The following SV2C variants were observed in gnomAD, a reference collection of about 807,000 sequenced individuals.
The protein encoded by SV2C is solute carrier family 22 member B3.
In SV2C, 49 loss-of-function variants were observed where a neutral mutation model predicts 79.7. The observed-to-expected ratio is 0.61, with a 90% CI of 0.49 to 0.78. The LOEUF (loss-of-function observed/expected upper bound fraction) is 0.78. Among genes scored for constraint, SV2C ranks in the 30% least tolerant of loss-of-function variants. SV2C has a pLI of 0.00. For missense variants in SV2C, 833 were observed against 912.9 expected (o/e 0.91, Z 1.13); for synonymous variants, 334 against 333.2 (o/e 1.00, Z -0.03).
chr5:76,217,548 T>C (rs577263365), intron 4 of SV2C, among the ~76,000 whole-genome samples: 1 of 152,322 alleles, frequency 6.6e-6, no homozygotes, highest in East Asian at 1.9e-4. Context: ...AGCATTGTAG[T>C]AAGGATTAAG....
chr5:75,944,464 C>A, the SV2C span, among the ~76,000 whole-genome samples: 1 of 152,098 alleles, frequency 6.6e-6, no homozygotes, highest in African/African-American at 2.4e-5. Flanking sequence ...ATGGAGTATA[C>A]AGACTACAGC....
chr5:76,353,153 C>T (rs956729084), exon 13 of SV2C: 4 of 451,086 alleles, frequency 8.9e-6, no homozygotes, highest in African/African-American at 6.1e-5. Context: ...CCATGTTGCC[C>T]CGGCTGATCT....
chr5:76,025,330 A>G, the SV2C span, among the ~76,000 whole-genome samples: 2 of 152,156 alleles, frequency 1.3e-5, no homozygotes, highest in Non-Finnish European at 2.9e-5. Context: ...GCCAGCAAAC[A>G]TTGGTGAGGA....
rs549744130 is a variant in SV2C, at chr5:76,353,343, T to A, written c.*183T>A. On this transcript the variant is annotated 3_prime_UTR_variant, in exon 13 of 13. Coordinates refer to the SV2C transcript ENST00000322285. Reference sequence around the variant, plus strand: ...AGTAGATTTCTTTATTGTTGTCTTTTTTCTCTCTCTTTTGCCTTGTAGAAA... The same window carrying A: ...AGTAGATTTCTTTATTGTTGTCTTTATTCTCTCTCTTTTGCCTTGTAGAAA... The A allele has an allele frequency of 5.1e-5, 11 of 216,498 alleles. No homozygotes were observed. The East Asian group carries it at 1.6e-3, about 31-fold the overall frequency. The allele number at this position is 216,498 out of a possible 1,614,324, so 13.4% of individuals were successfully genotyped here. A position where few individuals can be genotyped will look rare whatever the true frequency, so the allele number is the denominator to read the frequency against.
intron 3 of SV2C, among the ~76,000 whole-genome samples, chr5:76,207,110 G>T (rs1744628919): frequency 6.6e-6 from 1 of 151,284 alleles, no homozygotes; most frequent in African/African-American, 2.4e-5. Context: ...ACAATGATTT[G>T]TTGAAAACTA....
At chr5:75,966,859 TG>T in the SV2C span, among the ~76,000 whole-genome samples, 1 of 152,160 alleles carries the variant, frequency 6.6e-6, no homozygotes, top group Non-Finnish European at 1.5e-5. Context: ...ACTACTGCAT[TG>T]TATGGTAGAA....
chr5:75,919,911 A>T, the SV2C span, among the ~76,000 whole-genome samples: 1 of 152,236 alleles, frequency 6.6e-6, no homozygotes, highest in Non-Finnish European at 1.5e-5. Flanking sequence ...TAAGAGTTTG[A>T]TAAGTTTTGG....
At chr5:75,874,474 C>A in the SV2C span, among the ~76,000 whole-genome samples, 5 of 152,148 alleles carry the variant, frequency 3.3e-5, no homozygotes, top group Non-Finnish European at 7.4e-5. Context: ...AAGATGGAAG[C>A]ATTCCCCTTG....
Position 76,120,472 on chromosome 5 carries a change from T to C in SV2C, c.-101-11178T>C, listed in dbSNP as rs1748448116. Among the ~76,000 whole-genome samples, 2 of 145,590 alleles carry C rather than the reference T, an allele frequency of 1.4e-5. 1 individual carries two copies. The highest frequency in any genetic ancestry group is 3.0e-5 in the Non-Finnish European group (2 of 67,490). ...ATGCTGGTATGCTGCACCCATTAAC[T>C]CGTCATTTAGCATTAGGTGTATATC... On this transcript the variant is annotated intron_variant, in intron 1 of 12. Coordinates refer to ENST00000502798, the MANE Select transcript of SV2C (RefSeq NM_014979.4).
At chr5:76,273,146 G>GATATATATATATATAT (rs369657969) in intron 4 of SV2C, among the ~76,000 whole-genome samples, 35 of 129,094 alleles carry the variant, frequency 2.7e-4, no homozygotes, top group African/African-American at 9.6e-4. Flanking sequence ...TTACAAAAAA[G>GATATATATATATATAT]ATATATATAT....
the SV2C span, among the ~76,000 whole-genome samples, chr5:75,984,997 C>T: frequency 6.6e-6 from 1 of 151,948 alleles, no homozygotes; most frequent in African/African-American, 2.4e-5. Context: ...TAACAGAATA[C>T]TTGAGGCTGG....
intron 4 of SV2C, among the ~76,000 whole-genome samples, chr5:76,222,589 C>A (rs1438210131): frequency 6.6e-6 from 1 of 152,150 alleles, no homozygotes; most frequent in Non-Finnish European, 1.5e-5. Context: ...GAACTATATA[C>A]ACACATTGCA....
chr5:75,910,005 G>T, the SV2C span, among the ~76,000 whole-genome samples: 1 of 152,192 alleles, frequency 6.6e-6, no homozygotes, highest in Non-Finnish European at 1.5e-5. Context: ...GTTAGTTTGT[G>T]CATCTTCAGG....
intron 4 of SV2C, among the ~76,000 whole-genome samples, chr5:76,211,808 C>G (rs1325830052): frequency 2.0e-5 from 3 of 152,126 alleles, no homozygotes; most frequent in Non-Finnish European, 4.4e-5. Context: ...TTTTAACATG[C>G]TGAGTTACAA....
At chr5:76,007,448 A>G in the SV2C span, among the ~76,000 whole-genome samples, 1 of 152,134 alleles carries the variant, frequency 6.6e-6, no homozygotes, top group African/African-American at 2.4e-5. Context: ...GGAAGAGTGA[A>G]TGAAATAATA....
At chr5:76,320,163 T>C (rs1393246006) in intron 12 of SV2C, among the ~76,000 whole-genome samples, 1 of 151,648 alleles carries the variant, frequency 6.6e-6, no homozygotes, top group Non-Finnish European at 1.5e-5. Context: ...CTTTTTTTTT[T>C]TTTTTTTTAA....
chr5:76,232,488 G>T (rs1745455381), intron 4 of SV2C, among the ~76,000 whole-genome samples: 1 of 146,824 alleles, frequency 6.8e-6, no homozygotes, highest in Admixed American at 6.7e-5. Flanking sequence ...ATTGCTTTTG[G>T]TGTTTTAGAC....
At chr5:76,336,636 A>G (rs1749334783), downstream of SV2C, among the ~76,000 whole-genome samples, 1 of 152,120 alleles carries the variant, frequency 6.6e-6, no homozygotes, top group African/African-American at 2.4e-5. Context: ...TCCGTCCGCA[A>G]TCCCGGCACC....
the SV2C span, among the ~76,000 whole-genome samples, chr5:75,873,738 A>G: frequency 6.6e-6 from 1 of 152,068 alleles, no homozygotes; most frequent in South Asian, 2.1e-4. Flanking sequence ...GTTACCATTG[A>G]CCCCACAGAA....
Sources: gnomAD v4.1 joint callset for allele counts (sites outside exome capture counted in the v4.1 genomes callset) on GRCh38, gnomAD v4.1.1 for gene constraint, MANE v1.5 for transcripts, NCBI Gene and HGNC (gene_info 2026-07-23, HGNC 2026-07-21) for gene names.